Variants in LPP observed in about 807,000 individuals in gnomAD.
LPP encodes the protein lipoma-preferred partner.
Under a neutral mutation model 60.4 loss-of-function variants are expected in LPP, and 38 were observed. That is an observed-to-expected ratio of 0.63 (90% CI 0.49 to 0.83). LPP has a LOEUF of 0.83. Ranked by LOEUF, LPP falls within the 40% of genes least tolerant of loss-of-function variation. LPP has a pLI of 0.00. For synonymous variants in LPP, 328 were observed against 290.8 expected (o/e 1.13, Z -1.30); for missense variants, 902 against 783.6 (o/e 1.15, Z -1.80).
At chr3:188,684,442 T>C (rs758940820) in intron 7 of LPP, among the ~76,000 whole-genome samples, 5 of 152,242 alleles carry the variant, frequency 3.3e-5, no homozygotes, top group Non-Finnish European at 7.3e-5. Flanking sequence ...AGTGACCTAA[T>C]GCCTATTAAG....
intron 2 of LPP, among the ~76,000 whole-genome samples, chr3:188,279,423 G>A (rs1741147248): frequency 6.6e-6 from 1 of 152,222 alleles, no homozygotes; most frequent in African/African-American, 2.4e-5. Flanking sequence ...GGTAGCCAAT[G>A]AATTATATGA....
chr3:188,579,265 A>C (rs1316935149), intron 6 of LPP, among the ~76,000 whole-genome samples: 5 of 149,794 alleles, frequency 3.3e-5, no homozygotes, highest in African/African-American at 1.2e-4. Flanking sequence ...TGTGTGTGTG[A>C]ATTTGTTTTA....
chr3:188,832,233 C>G (rs1757313726), intron 9 of LPP, among the ~76,000 whole-genome samples: 1 of 152,196 alleles, frequency 6.6e-6, no homozygotes, highest in South Asian at 2.1e-4. Flanking sequence ...TAGAGAGACT[C>G]TCCTTGACAG....
chr3:188,449,233 A>G (rs765882137), intron 4 of LPP, among the ~76,000 whole-genome samples: 1 of 152,194 alleles, frequency 6.6e-6, no homozygotes, highest in Non-Finnish European at 1.5e-5. Flanking sequence ...GACCCCAAGC[A>G]TGGTCAATTC....
At chr3:188,252,801 T>C (rs2149594764) in intron 2 of LPP, among the ~76,000 whole-genome samples, 1 of 152,322 alleles carries the variant, frequency 6.6e-6, no homozygotes, top group South Asian at 2.1e-4. Flanking sequence ...GGACAGAGTC[T>C]CTCTCTGTTG....
intron 3 of LPP, among the ~76,000 whole-genome samples, chr3:188,355,985 T>G (rs76915826): frequency 0.037 from 5,635 of 152,332 alleles, 150 homozygotes; most frequent in Non-Finnish European, 0.06. Context: ...TTTAGAGTGG[T>G]TTGATTTTGT....
chr3:188,783,245 T>C (rs978846301), intron 9 of LPP, among the ~76,000 whole-genome samples: 1 of 152,084 alleles, frequency 6.6e-6, no homozygotes, highest in African/African-American at 2.4e-5. Flanking sequence ...CTCTGGAAAG[T>C]TGGATATTAG....
intron 7 of LPP, among the ~76,000 whole-genome samples, chr3:188,690,695 T>C (rs987141298): frequency 1.3e-5 from 2 of 152,142 alleles, no homozygotes; most frequent in African/African-American, 4.8e-5. Context: ...TGTTCTCTCT[T>C]TCCACATTCT....
intron 9 of LPP, among the ~76,000 whole-genome samples, chr3:188,763,183 G>A (rs553145394): frequency 1.3e-5 from 2 of 151,986 alleles, no homozygotes; most frequent in African/African-American, 4.8e-5. Flanking sequence ...GTTGAAAACT[G>A]ATGTCTAAAA....
chr3:188,645,767 G>T (rs1193748492), intron 7 of LPP, among the ~76,000 whole-genome samples: 1 of 151,340 alleles, frequency 6.6e-6, no homozygotes. Flanking sequence ...TACCCTGAGA[G>T]GATTGCAAAG....
intron 7 of LPP, among the ~76,000 whole-genome samples, chr3:188,657,417 T>G (rs1853538119): frequency 6.6e-6 from 1 of 151,880 alleles, no homozygotes; most frequent in African/African-American, 2.4e-5. Flanking sequence ...TTATGTTATT[T>G]GCTATACTTG....
At chr3:188,845,667 C>G (rs1337580336) in intron 9 of LPP, among the ~76,000 whole-genome samples, 2 of 152,140 alleles carry the variant, frequency 1.3e-5, no homozygotes, top group Admixed American at 6.5e-5. Flanking sequence ...AAGGAGAACA[C>G]TATTAATGGC....
At chr3:188,305,806 C>T (rs912181359) in intron 2 of LPP, among the ~76,000 whole-genome samples, 6 of 152,126 alleles carry the variant, frequency 3.9e-5, no homozygotes, top group East Asian at 3.9e-4. Context: ...AAACAAAGTA[C>T]GTTGGCCAGA....
chr3:188,609,583 G>A lies in LPP; in HGVS notation c.852G>A (p.Glu284=). 1 of 1,614,190 alleles carries A rather than the reference G, an allele frequency of 6.2e-7. No homozygotes were observed. Among genetic ancestry groups the A allele is most frequent in the South Asian group, 1.1e-5 (1 of 91,084 alleles). Residue 284 remains glutamate (E), a synonymous_variant, in exon 7 of 12, where the codon GAG becomes GAA. Transcript: ENST00000617246. This position sits in a 1 kb window ranked among gnomAD's most constrained non-coding sequence, Gnocchi z 6.9. ...TTCCACCACCAGGACTTCAGCCGGAGCCTGGGTATGGGTATGCCCCCAACC... is the reference window on the plus strand; with the variant it reads ...TTCCACCACCAGGACTTCAGCCGGAACCTGGGTATGGGTATGCCCCCAACC... ...AYIPPPGLQP[E]PGYGYAPNQG... is the part of the protein sequence containing the mutation.
intron 3 of LPP, among the ~76,000 whole-genome samples, chr3:188,346,583 A>G (rs1213634997): frequency 6.6e-6 from 1 of 152,078 alleles, no homozygotes; most frequent in African/African-American, 2.4e-5. Context: ...AGTTCTTAAT[A>G]TACGTGTGTG....
intron 9 of LPP, among the ~76,000 whole-genome samples, chr3:188,773,514 T>C (rs996728446): frequency 1.3e-5 from 2 of 152,158 alleles, no homozygotes; most frequent in Non-Finnish European, 2.9e-5. Flanking sequence ...AACACACATC[T>C]GTGATGACTT....
intron 8 of LPP, among the ~76,000 whole-genome samples, chr3:188,747,112 G>T (rs1213815708): frequency 1.3e-5 from 2 of 152,104 alleles, no homozygotes; most frequent in Non-Finnish European, 2.9e-5. Flanking sequence ...CAGGTACATG[G>T]CTTCCTAGGC....
At chr3:188,624,027 C>G (rs1487602566) in intron 7 of LPP, among the ~76,000 whole-genome samples, 1 of 152,132 alleles carries the variant, frequency 6.6e-6, no homozygotes, top group African/African-American at 2.4e-5. Flanking sequence ...CATTGAACCT[C>G]AAAGAGGAAA....
chr3:188,167,386 T>A (rs926066828), intron 1 of LPP, among the ~76,000 whole-genome samples: 1 of 152,150 alleles, frequency 6.6e-6, no homozygotes, highest in Non-Finnish European at 1.5e-5. Context: ...TAGTCCCAGC[T>A]ACTTGGGAAG....
Sources: allele counts gnomAD v4.1 joint callset (sites outside exome capture counted in the v4.1 genomes callset), GRCh38; gene constraint gnomAD v4.1.1; non-coding constraint Gnocchi (gnomAD v3.1); transcripts MANE v1.5; gene names NCBI Gene and HGNC (gene_info 2026-07-23, HGNC 2026-07-21).